Variants in MGAT5 observed in about 807,000 individuals in gnomAD.
MGAT5 encodes alpha-1,6-mannosylglycoprotein 6-beta-N-acetylglucosaminyltransferase, also known as alpha-1,6-mannosylglycoprotein 6-beta-N-acetylglucosaminyltransferase A.
MGAT5 carries 30 observed loss-of-function variants against 94.3 expected under a neutral mutation model. That is an observed-to-expected ratio of 0.32 (90% confidence interval 0.24 to 0.43). The LOEUF (loss-of-function observed/expected upper bound fraction) is 0.43. Among genes scored for constraint, MGAT5 ranks in the 20% least tolerant of loss-of-function variants. MGAT5 has a pLI of 1.00. For missense variants in MGAT5, 691 were observed against 905.5 expected, an observed-to-expected ratio of 0.76 and a Z score of 3.04; for synonymous variants, 310 against 322.9, an observed-to-expected ratio of 0.96 and a Z score of 0.43.
chr2:134,381,404 AGAT>A (rs1197273477), intron 10 of MGAT5, among the ~76,000 whole-genome samples: 14 of 89,158 alleles, frequency 1.6e-4, no homozygotes, highest in Admixed American at 1.1e-3. Flanking sequence ...ATAGATAGAT[AGAT>A]AGATAGATAG....
intron 14 of MGAT5, among the ~76,000 whole-genome samples, chr2:134,432,252 A>G (rs1007902809): frequency 3.9e-5 from 6 of 152,240 alleles, no homozygotes; most frequent in Admixed American, 3.9e-4. Context: ...TGTTTCCTGT[A>G]AAGACACTGT....
At chr2:134,390,036 T>G (rs1682302479) in intron 10 of MGAT5, among the ~76,000 whole-genome samples, 1 of 152,226 alleles carries the variant, frequency 6.6e-6, no homozygotes, top group Non-Finnish European at 1.5e-5. Flanking sequence ...CGCTTCAGAC[T>G]GCCACTGGGT....
intron 1 of MGAT5, among the ~76,000 whole-genome samples, chr2:134,218,662 A>G (rs1470178704): frequency 2.0e-5 from 3 of 152,254 alleles, no homozygotes; most frequent in African/African-American, 7.2e-5. Context: ...TTGGAGGCCC[A>G]GGTTGGGACC....
In MGAT5 at chr2:134,314,244, CT is replaced by C. The variant is rs745550728; in HGVS notation, c.407-3283del. 4.5e-4 allele frequency among the ~76,000 whole-genome samples: 68 copies of C among 152,280 alleles called. 1 individual carries two copies. Among genetic ancestry groups the C allele is most frequent in the Middle Eastern group, 3.4e-3 (1 of 294 alleles). On this transcript the variant is annotated intron_variant, in intron 2 of 15. Coordinates refer to ENST00000281923, the MANE Select transcript of MGAT5 (RefSeq NM_002410.5). ...CTTAAGCCAATGCCTCTGGAAGCCC[CT>C]TATCTATTCATACCCATCACTGTGT...
intron 2 of MGAT5, among the ~76,000 whole-genome samples, chr2:134,304,723 A>C (rs78052050): frequency 1.3e-5 from 2 of 152,280 alleles, no homozygotes; most frequent in East Asian, 3.9e-4. Context: ...GAGAAGTTCT[A>C]AGGAATTAAG....
intron 1 of MGAT5, among the ~76,000 whole-genome samples, chr2:134,183,765 T>G (rs551711055): frequency 6.1e-4 from 93 of 152,316 alleles, no homozygotes; most frequent in Admixed American, 5.2e-3. Flanking sequence ...TGTATTCTCC[T>G]TCTTGGATCT....
intron 2 of MGAT5, among the ~76,000 whole-genome samples, chr2:134,317,036 G>A (rs903644538): frequency 1.6e-4 from 25 of 151,682 alleles, no homozygotes; most frequent in Non-Finnish European, 2.2e-4. Flanking sequence ...GTGTAGATAC[G>A]TCTCATGGCT....
At chr2:134,375,187 A>G (rs1330603385) in intron 10 of MGAT5, among the ~76,000 whole-genome samples, 2 of 152,178 alleles carry the variant, frequency 1.3e-5, no homozygotes, top group Non-Finnish European at 2.9e-5. Flanking sequence ...AGTAAATACT[A>G]TTATTAACCC....
chr2:134,186,855 A>G (rs1241671403), intron 1 of MGAT5, among the ~76,000 whole-genome samples: 2 of 152,226 alleles, frequency 1.3e-5, no homozygotes, highest in Non-Finnish European at 2.9e-5. Flanking sequence ...AGAGGAAGAA[A>G]CAGGTAAATC....
At chr2:134,316,660 G>A (rs1007788642) in intron 2 of MGAT5, among the ~76,000 whole-genome samples, 1 of 152,076 alleles carries the variant, frequency 6.6e-6, no homozygotes, top group African/African-American at 2.4e-5. Context: ...TCAGATTAGG[G>A]TAATTAGCAT....
chr2:134,271,333 GGACAAA>G (rs1434087219), intron 2 of MGAT5, among the ~76,000 whole-genome samples: 2 of 152,100 alleles, frequency 1.3e-5, no homozygotes, highest in Non-Finnish European at 2.9e-5. Flanking sequence ...TGGGGACCCA[GGACAAA>G]GTGAAGAGCC....
chr2:134,365,764 C>G (rs1680388766), intron 10 of MGAT5, among the ~76,000 whole-genome samples: 2 of 152,088 alleles, frequency 1.3e-5, no homozygotes, highest in Admixed American at 1.3e-4. Context: ...TCTGGTCTTG[C>G]AGTATCTAAG....
rs578182517 is a variant in MGAT5 at position 134,235,903 on chromosome 2, A to G, written c.-142-18359A>G. ...TTTTGCATAATGACTTCATTCATCTATAATTCTCACTGTAACTCAGTTTCT... is the reference window on the plus strand; with the variant it reads ...TTTTGCATAATGACTTCATTCATCTGTAATTCTCACTGTAACTCAGTTTCT... On this transcript the variant is annotated intron_variant, in intron 1 of 16. Transcript: ENST00000409645. 4.6e-5 allele frequency among the ~76,000 whole-genome samples: 7 copies of G among 152,284 alleles called. No individual in the cohort carries two copies. The South Asian group carries it at 1.0e-3, about 23-fold the overall frequency.
rs1197651509 is a variant in MGAT5 at position 134,183,581 on chromosome 2, T to C, written c.-143+63290T>C. On this transcript the variant is annotated intron_variant, in intron 1 of 16. Coordinates refer to the MGAT5 transcript ENST00000409645. ...GTCTTGTCTATAGAAACTGAATGGA[T>C]AGCCTGTTTAATAGTTGAAGTTTGG... 2.0e-5 allele frequency among the ~76,000 whole-genome samples: 3 copies of C among 152,330 alleles called. No homozygotes were observed. In the East Asian group the frequency reaches 5.8e-4, roughly 29 times the overall value.
intron 2 of MGAT5, among the ~76,000 whole-genome samples, chr2:134,290,241 G>T (rs1247294348): frequency 6.6e-6 from 1 of 152,194 alleles, no homozygotes; most frequent in Non-Finnish European, 1.5e-5. Flanking sequence ...TTGGCCACTT[G>T]TTGTATTGTT....
chr2:134,167,259 A>G (rs1288235560), intron 1 of MGAT5, among the ~76,000 whole-genome samples: 5 of 152,238 alleles, frequency 3.3e-5, no homozygotes, highest in Non-Finnish European at 7.3e-5. Flanking sequence ...CCTCAGCCTC[A>G]TCATGAGGAA....
intron 2 of MGAT5, among the ~76,000 whole-genome samples, chr2:134,292,960 G>A (rs550620339): frequency 6.6e-6 from 1 of 152,216 alleles, no homozygotes; most frequent in Non-Finnish European, 1.5e-5. Context: ...ATAACAGATG[G>A]AGGTCATGGA....
intron 9 of MGAT5, among the ~76,000 whole-genome samples, chr2:134,359,358 C>G (rs1679942994): frequency 1.3e-5 from 2 of 152,246 alleles, no homozygotes; most frequent in South Asian, 2.1e-4. Flanking sequence ...CAATCTGGCT[C>G]TGAATCCCAG....
At chr2:134,441,117 C>T (rs1451965572) in intron 14 of MGAT5, among the ~76,000 whole-genome samples, 1 of 152,178 alleles carries the variant, frequency 6.6e-6, no homozygotes, top group Non-Finnish European at 1.5e-5. Flanking sequence ...ATTGACGACA[C>T]TAAGTGAGGA....
Sources: allele counts gnomAD v4.1 joint callset (sites outside exome capture counted in the v4.1 genomes callset), GRCh38; gene constraint gnomAD v4.1.1; transcripts MANE v1.5; gene names NCBI Gene and HGNC (gene_info 2026-07-23, HGNC 2026-07-21).